SLIT3: variants seen among roughly 807,000 people sequenced by gnomAD.
The protein encoded by SLIT3 is slit guidance ligand 3.
Under a neutral mutation model 184.0 loss-of-function variants are expected in SLIT3, and 68 were observed. The ratio of observed to expected loss-of-function variants is 0.37; its 90% confidence interval spans 0.30 to 0.45. SLIT3 has a LOEUF of 0.45. Among genes scored for constraint, SLIT3 ranks in the 20% least tolerant of loss-of-function variants. SLIT3 has a pLI of 1.00. For missense variants in SLIT3, 1,707 were observed against 2,026.0 expected, an observed-to-expected ratio of 0.84 and a Z score of 3.02; for synonymous variants, 831 against 828.6, an observed-to-expected ratio of 1.00 and a Z score of -0.05.
intron 4 of SLIT3, among the ~76,000 whole-genome samples, chr5:168,897,904 C>T (rs1391136025): frequency 6.6e-6 from 1 of 151,714 alleles, no homozygotes; most frequent in Non-Finnish European, 1.5e-5. Context: ...CACCCCCCCA[C>T]CTTTGCATCC....
intron 9 of SLIT3, among the ~76,000 whole-genome samples, chr5:168,798,787 T>C (rs1756666352): frequency 6.6e-6 from 1 of 152,120 alleles, no homozygotes; most frequent in Non-Finnish European, 1.5e-5. Flanking sequence ...GCTTAGTTGT[T>C]AGGCACCAGG....
intron 7 of SLIT3, among the ~76,000 whole-genome samples, chr5:168,818,348 G>A (rs1757409624): frequency 6.6e-6 from 1 of 152,148 alleles, no homozygotes; most frequent in Admixed American, 6.5e-5. Flanking sequence ...ACTTCTGAGG[G>A]GAATCCCATC....
chr5:169,141,926 TGTAATCCCA>T (rs143642326), intron 4 of SLIT3, among the ~76,000 whole-genome samples: 96 of 150,798 alleles, frequency 6.4e-4, no homozygotes, highest in African/African-American at 2.3e-3. Flanking sequence ...AGCGCATGCC[TGTAATCCCA>T]GCTACTCGGG....
At chr5:168,861,255 C>T (rs1423619367) in intron 5 of SLIT3, among the ~76,000 whole-genome samples, 2 of 152,036 alleles carry the variant, frequency 1.3e-5, no homozygotes, top group African/African-American at 2.4e-5. Context: ...TTCCCTCCCC[C>T]ATCCCCCCAT....
chr5:169,162,697 G>A (rs1332406284), intron 4 of SLIT3, among the ~76,000 whole-genome samples: 2 of 152,160 alleles, frequency 1.3e-5, no homozygotes. Flanking sequence ...TTATGAGTGG[G>A]ACTTTAATGA....
chr5:169,266,971 GC>G (rs1177583855), intron 1 of SLIT3, among the ~76,000 whole-genome samples: 112 of 152,298 alleles, frequency 7.4e-4, no homozygotes, highest in African/African-American at 2.5e-3. Flanking sequence ...AGGTACAAAT[GC>G]TGCACCCAAC....
At chr5:169,281,790 T>A (rs1767004190) in intron 1 of SLIT3, among the ~76,000 whole-genome samples, 1 of 152,222 alleles carries the variant, frequency 6.6e-6, no homozygotes, top group Non-Finnish European at 1.5e-5. Flanking sequence ...TTAAACACTG[T>A]GTGCACACAA....
At chr5:168,976,493 G>GA (rs1000142916) in intron 4 of SLIT3, among the ~76,000 whole-genome samples, 2 of 152,062 alleles carry the variant, frequency 1.3e-5, no homozygotes, top group African/African-American at 4.8e-5. Context: ...TGCAATAAAT[G>GA]AAAAAAATAA....
chr5:168,739,405 C>T (rs1450007793), intron 20 of SLIT3, among the ~76,000 whole-genome samples: 4 of 150,498 alleles, frequency 2.7e-5, no homozygotes, highest in African/African-American at 9.7e-5. Flanking sequence ...AAGTATTCCT[C>T]GCTTTTTCTT....
At chr5:169,192,375 C>G (rs1763582843) in intron 4 of SLIT3, among the ~76,000 whole-genome samples, 1 of 151,826 alleles carries the variant, frequency 6.6e-6, no homozygotes. Context: ...CTTGCCTGTT[C>G]TTGTTCCAGC....
rs10062630 is a variant in SLIT3, at chr5:169,082,248, T to C, written c.413+111231A>G. Among the ~76,000 whole-genome samples the C allele has an allele frequency of 2.7e-3, 418 of 152,304 alleles. 4 individuals are homozygous for C. The highest frequency in any genetic ancestry group is 9.7e-3 in the African/African-American group (405 of 41,556). ...ATGCCAAGTCTAAAGCCTTCAACTT[T>C]TTCTATTTTCCCACCAATGCAACTC... On this transcript the variant is annotated intron_variant, in intron 4 of 35. Transcript: ENST00000519560.
chr5:169,164,580 C>A (rs1370602564), intron 4 of SLIT3, among the ~76,000 whole-genome samples: 4 of 152,194 alleles, frequency 2.6e-5, no homozygotes, highest in Non-Finnish European at 5.9e-5. Context: ...TCTGTCATCT[C>A]TATGAGTCAG....
intron 5 of SLIT3, among the ~76,000 whole-genome samples, chr5:168,864,922 CTTTGGG>C (rs1759243685): frequency 6.6e-6 from 1 of 152,170 alleles, no homozygotes; most frequent in Non-Finnish European, 1.5e-5. Context: ...AATCCCAGCA[CTTTGGG>C]AGACCGAGGC....
At chr5:168,841,577 C>T (rs77319968) in intron 6 of SLIT3, among the ~76,000 whole-genome samples, 1,814 of 150,706 alleles carry the variant, frequency 0.012, 18 homozygotes, top group South Asian at 0.021. Flanking sequence ...TCTTTCCCAA[C>T]CTTGTACCAG....
At chr5:169,278,623 T>G (rs1766893543) in intron 1 of SLIT3, among the ~76,000 whole-genome samples, 1 of 152,166 alleles carries the variant, frequency 6.6e-6, no homozygotes. Flanking sequence ...TTCTGCTACT[T>G]CCTCTGACCC....
chr5:168,880,425 T>C (rs948337264), intron 5 of SLIT3, among the ~76,000 whole-genome samples: 4 of 152,248 alleles, frequency 2.6e-5, no homozygotes, highest in Non-Finnish European at 5.9e-5. Context: ...ATGTCTCTGC[T>C]GGAAACACAT....
intron 5 of SLIT3, among the ~76,000 whole-genome samples, chr5:168,866,120 G>T (rs1248729978): frequency 6.6e-6 from 1 of 152,114 alleles, no homozygotes; most frequent in Non-Finnish European, 1.5e-5. Context: ...AACTGGCCCG[G>T]GACAGATGGC....
intron 4 of SLIT3, among the ~76,000 whole-genome samples, chr5:169,096,404 T>G (rs1759783566): frequency 6.6e-6 from 1 of 152,222 alleles, no homozygotes; most frequent in African/African-American, 2.4e-5. Flanking sequence ...TAGCAAATGT[T>G]TTTCTGCAAA....
At position 168,719,521 on chromosome 5, in the gene SLIT3, G is replaced by A. The variant is rs1045660909; in HGVS notation, c.2483+2735C>T. On this transcript the variant is annotated intron_variant, in intron 23 of 35. Transcript: ENST00000519560. Reference sequence around the variant, plus strand: ...AGTTAGGTTTATTTCTCCATGTAACGCTATGTGATAAGCACTTTCCCACAT... The same window carrying A: ...AGTTAGGTTTATTTCTCCATGTAACACTATGTGATAAGCACTTTCCCACAT... Among the ~76,000 whole-genome samples the A allele has an allele frequency of 5.9e-5, 9 of 152,110 alleles. No individual in the cohort carries two copies. In the East Asian group the frequency reaches 1.3e-3, roughly 23 times the overall value.
Sources: allele counts gnomAD v4.1 joint callset (sites outside exome capture counted in the v4.1 genomes callset), GRCh38; gene constraint gnomAD v4.1.1; transcripts MANE v1.5; gene names NCBI Gene and HGNC (gene_info 2026-07-23, HGNC 2026-07-21).